TCF7L1: variants seen among roughly 807,000 people sequenced by gnomAD.
TCF7L1 encodes the protein transcription factor 7-like 1.
TCF7L1 carries 18 observed loss-of-function variants against 63.7 expected under a neutral mutation model. The observed-to-expected ratio is 0.28, with a 90% CI of 0.20 to 0.42. TCF7L1 has a LOEUF of 0.42. Ranked by LOEUF, TCF7L1 falls within the 10% of genes least tolerant of loss-of-function variation. TCF7L1 has a pLI of 1.00. For synonymous variants in TCF7L1, 355 were observed against 340.9 expected, an observed-to-expected ratio of 1.04 and a Z score of -0.46; for missense variants, 654 against 779.3, an observed-to-expected ratio of 0.84 and a Z score of 1.91.
intron 4 of TCF7L1, among the ~76,000 whole-genome samples, chr2:85,289,595 A>G (rs1558657594): frequency 6.6e-6 from 1 of 152,196 alleles, no homozygotes; most frequent in Admixed American, 6.5e-5. Flanking sequence ...AATATCTACC[A>G]CCTTTGAAAC....
chr2:85,265,088 C>A (rs942447194), intron 3 of TCF7L1, among the ~76,000 whole-genome samples: 1 of 152,094 alleles, frequency 6.6e-6, no homozygotes, highest in African/African-American at 2.4e-5. Context: ...CACAGTAGCA[C>A]TAAACAGTGT....
chr2:85,147,353 C>T (rs567571096), intron 3 of TCF7L1, among the ~76,000 whole-genome samples: 4 of 152,090 alleles, frequency 2.6e-5, no homozygotes, highest in Admixed American at 6.6e-5. Flanking sequence ...CCATACAACC[C>T]GAACTAGGGA....
At chr2:85,214,388 C>G (rs1679644385) in intron 3 of TCF7L1, among the ~76,000 whole-genome samples, 1 of 152,178 alleles carries the variant, frequency 6.6e-6, no homozygotes, top group African/African-American at 2.4e-5. Flanking sequence ...GGAATTGTCT[C>G]CCAAAGCCAG....
chr2:85,298,481 C>CAAAAAAAA (rs775849544), intron 4 of TCF7L1, among the ~76,000 whole-genome samples: 1 of 71,044 alleles, frequency 1.4e-5, no homozygotes, highest in African/African-American at 6.1e-5. Flanking sequence ...GACTCTGTCT[C>CAAAAAAAA]AAAAAAAAAA....
intron 3 of TCF7L1, among the ~76,000 whole-genome samples, chr2:85,210,587 A>T (rs999772667): frequency 2.0e-5 from 3 of 152,212 alleles, no homozygotes; most frequent in Non-Finnish European, 1.5e-5. Flanking sequence ...TCACCAGGCC[A>T]TTGAAGGAAG....
At chr2:85,180,061 T>C (rs1379329895) in intron 3 of TCF7L1, among the ~76,000 whole-genome samples, 1 of 151,876 alleles carries the variant, frequency 6.6e-6, no homozygotes, top group Non-Finnish European at 1.5e-5. Flanking sequence ...CTTAGCCGGG[T>C]CCTGGGAACA....
intron 3 of TCF7L1, among the ~76,000 whole-genome samples, chr2:85,174,115 T>C (rs182745163): frequency 6.6e-6 from 1 of 152,280 alleles, no homozygotes; most frequent in East Asian, 1.9e-4. Flanking sequence ...ACTATCTAAA[T>C]TTAGAATATT....
intron 4 of TCF7L1, among the ~76,000 whole-genome samples, chr2:85,286,387 C>A (rs138108746): frequency 0.011 from 1,644 of 151,326 alleles, 33 homozygotes; most frequent in African/African-American, 0.038. Context: ...AAAAAACTAA[C>A]ATATAGTGGC....
At chr2:85,227,681 A>G (rs1249528917) in intron 3 of TCF7L1, among the ~76,000 whole-genome samples, 1 of 152,096 alleles carries the variant, frequency 6.6e-6, no homozygotes, top group Non-Finnish European at 1.5e-5. Flanking sequence ...TATATGGCTC[A>G]TTTCCCATCC....
intron 4 of TCF7L1, among the ~76,000 whole-genome samples, chr2:85,295,466 G>T (rs1681820506): frequency 6.6e-6 from 1 of 152,156 alleles, no homozygotes; most frequent in Non-Finnish European, 1.5e-5. Flanking sequence ...CTCCCAAAGT[G>T]CTGGGATTAC....
chr2:85,183,233 G>T (rs1678845474), intron 3 of TCF7L1, among the ~76,000 whole-genome samples: 1 of 152,130 alleles, frequency 6.6e-6, no homozygotes, highest in African/African-American at 2.4e-5. Flanking sequence ...AGTCAGCCAA[G>T]AGTGTCACTG....
At chr2:85,237,007 T>TA (rs1680207097) in intron 3 of TCF7L1, among the ~76,000 whole-genome samples, 1 of 152,158 alleles carries the variant, frequency 6.6e-6, no homozygotes, top group Admixed American at 6.5e-5. Context: ...TAACCTGCAT[T>TA]AGTCTGAAAT....
rs144411062 is a variant in TCF7L1, at chr2:85,253,141, C to T, written c.442-30354C>T. Among the ~76,000 whole-genome samples the T allele has an allele frequency of 3.0e-3, 458 of 152,138 alleles. 5 individuals carry two copies. Among genetic ancestry groups the T allele is most frequent in the African/African-American group, 0.01 (429 of 41,502 alleles). Reference sequence around the variant, plus strand: ...GAGCCAGTGTCACCTTAAATGTAAACGTTAGAGATCTAGGCTTCTGAAGAA... The same window carrying T: ...GAGCCAGTGTCACCTTAAATGTAAATGTTAGAGATCTAGGCTTCTGAAGAA... On this transcript the variant is annotated intron_variant, in intron 3 of 11. Transcript: ENST00000282111.
chr2:85,258,092 A>G (rs1020706906), intron 3 of TCF7L1, among the ~76,000 whole-genome samples: 2 of 152,224 alleles, frequency 1.3e-5, no homozygotes, highest in Non-Finnish European at 2.9e-5. Context: ...TTAAGTGGAA[A>G]CCAGACTAAT....
intron 3 of TCF7L1, among the ~76,000 whole-genome samples, chr2:85,169,350 GTTTC>G (rs1323788393): frequency 6.0e-5 from 9 of 151,050 alleles, no homozygotes; most frequent in Non-Finnish European, 1.2e-4. Flanking sequence ...GCTGTCCACA[GTTTC>G]TTTCTTTCTT....
intron 4 of TCF7L1, among the ~76,000 whole-genome samples, chr2:85,286,741 C>T (rs1306268331): frequency 6.6e-6 from 1 of 152,118 alleles, no homozygotes; most frequent in Non-Finnish European, 1.5e-5. Context: ...GTGATCCACC[C>T]TCCTCGGCCT....
rs1266318802 is a variant in TCF7L1 at position 85,141,650 on chromosome 2, G to A, written c.441+7200G>A. On this transcript the variant is annotated intron_variant, in intron 3 of 11. Coordinates refer to ENST00000282111, the MANE Select transcript of TCF7L1 (RefSeq NM_031283.3). ...ATGCTGGAGTGGGAGCCTGTTTGTA[G>A]GAGCCATAGGGCAGGCTTGAAGATG... Among the ~76,000 whole-genome samples the A allele has an allele frequency of 2.0e-5, 3 of 152,228 alleles. No individual in the cohort carries two copies. The East Asian group carries it at 5.8e-4, about 29-fold the overall frequency.
chr2:85,134,241 C>G lies in TCF7L1; in HGVS notation c.314-82C>G, dbSNP rs1677534828. Reference sequence around the variant, plus strand: ...GCGCGCGTGGGGGGCGCTGGGGTCCCCAGCTCCCGCCTCGAGCCCCCTGCC... The same window carrying G: ...GCGCGCGTGGGGGGCGCTGGGGTCCGCAGCTCCCGCCTCGAGCCCCCTGCC... On this transcript the variant is annotated intron_variant, in intron 2 of 11. Transcript: ENST00000282111. This position sits in a 1 kb window ranked among gnomAD's most constrained non-coding sequence, Gnocchi z 5.0. 5.4e-6 allele frequency: 8 copies of G among 1,481,152 alleles called. No individual in the cohort carries two copies. The highest frequency in any genetic ancestry group is 1.4e-5 in the South Asian group (1 of 72,428). The allele number at this position is 1,481,152 out of a possible 1,614,324, so 91.8% of individuals were successfully genotyped here. A position where few individuals can be genotyped will look rare whatever the true frequency, so the allele number is the denominator to read the frequency against.
rs1462854734 is a variant in TCF7L1 at position 85,230,849 on chromosome 2, G to A, written c.442-52646G>A. Reference sequence around the variant, plus strand: ...GTAATAGCTTCAAGGCTGCATACACGTTGCCAGAGGAAAAGCCTGAGGGGA... The same window carrying A: ...GTAATAGCTTCAAGGCTGCATACACATTGCCAGAGGAAAAGCCTGAGGGGA... On this transcript the variant is annotated intron_variant, in intron 3 of 11. Coordinates refer to ENST00000282111, the MANE Select transcript of TCF7L1 (RefSeq NM_031283.3). 5.3e-5 allele frequency among the ~76,000 whole-genome samples: 8 copies of A among 152,144 alleles called. No individual in the cohort carries two copies. The South Asian group carries it at 1.2e-3, about 24-fold the overall frequency.
Sources: gnomAD v4.1 joint callset for allele counts (sites outside exome capture counted in the v4.1 genomes callset) on GRCh38, gnomAD v4.1.1 for gene constraint, Gnocchi (gnomAD v3.1) non-coding constraint, MANE v1.5 for transcripts, NCBI Gene and HGNC (gene_info 2026-07-23, HGNC 2026-07-21) for gene names.